The following APBB2 variants were observed in gnomAD, a reference collection of about 807,000 sequenced individuals.
APBB2 encodes Fe65-like 1.
In APBB2, 38 loss-of-function variants were observed where a neutral mutation model predicts 82.5. The ratio of observed to expected loss-of-function variants is 0.46; its 90% CI spans 0.36 to 0.60. The LOEUF (loss-of-function observed/expected upper bound fraction) is 0.60. Ranked by LOEUF, APBB2 falls within the 20% of genes least tolerant of loss-of-function variation. The probability of loss-of-function intolerance (pLI) is 0.00; values close to 1 mark genes in which losing one functional copy is unlikely to be tolerated. For missense variants in APBB2, 772 were observed against 972.3 expected (o/e 0.79, Z 2.74); for synonymous variants, 341 against 368.2 (o/e 0.93, Z 0.85).
chr4:40,900,519 T>C (rs1275057784), intron 10 of APBB2, among the ~76,000 whole-genome samples: 1 of 149,754 alleles, frequency 6.7e-6, no homozygotes, highest in African/African-American at 2.5e-5. Context: ...GCAGTGGCAC[T>C]GTCTTGGCTC....
At chr4:41,124,839 G>A (rs577638164) in intron 2 of APBB2, among the ~76,000 whole-genome samples, 7 of 152,240 alleles carry the variant, frequency 4.6e-5, no homozygotes, top group South Asian at 4.1e-4. Flanking sequence ...CTCTGTTAGC[G>A]TCTCTTTCCT....
chr4:40,825,837 T>G, intron 15 of APBB2, 50 bp downstream of exon 15: 849 of 1,508,012 alleles, frequency 5.6e-4, no homozygotes, highest in Non-Finnish European at 7.1e-4. Context: ...ACGCCTCCTG[T>G]GAGCTCCCGC....
chr4:40,954,092 C>T (rs755900632), intron 6 of APBB2, among the ~76,000 whole-genome samples: 5 of 152,144 alleles, frequency 3.3e-5, no homozygotes, highest in African/African-American at 4.8e-5. Context: ...GGACCACTCC[C>T]GGGTGGGGCC....
At chr4:41,107,541 T>A (rs766336055) in intron 2 of APBB2, among the ~76,000 whole-genome samples, 1 of 152,160 alleles carries the variant, frequency 6.6e-6, no homozygotes, top group Non-Finnish European at 1.5e-5. Flanking sequence ...AAAGGGTTGT[T>A]GTAGGACAGA....
In APBB2 at chr4:41,014,324, G is replaced by A. The variant is rs749778753; in HGVS notation, c.94C>T (p.Pro32Ser). The part of the protein sequence containing the change: ...GTTDVTNRNS[P>S]ATPPNTLNLR... ...TTAAGGGTGTTTGGTGGTGTGGCTG[G>A]GCTGTTCCGATTTGTGACGTCTGTA... Residue 32 changes from proline (P) to serine (S), a missense_variant, in exon 6 of 18, where the codon CCA becomes TCA. Pro to Ser is a moderately conservative substitution (Grantham distance 74). Coordinates refer to ENST00000508593, the MANE Select transcript of APBB2 (RefSeq NM_004307.2). 5 of 1,613,964 alleles carry A rather than the reference G, an allele frequency of 3.1e-6. No homozygotes were observed. Among genetic ancestry groups the A allele is most frequent in the Non-Finnish European group, 4.2e-6 (5 of 1,180,024 alleles).
chr4:41,211,371 TAA>T (rs1004737160), intron 1 of APBB2, among the ~76,000 whole-genome samples: 3 of 152,102 alleles, frequency 2.0e-5, no homozygotes, highest in African/African-American at 4.8e-5. Flanking sequence ...AATATTTTCC[TAA>T]AAGTCTGTCC....
intron 4 of APBB2, among the ~76,000 whole-genome samples, chr4:41,046,024 T>TA (rs1723289035): frequency 6.6e-6 from 1 of 152,240 alleles, no homozygotes; most frequent in South Asian, 2.1e-4. Context: ...TTTTAATTTT[T>TA]AAAAAAAGGT....
chr4:41,034,759 C>G (rs1718488584), intron 4 of APBB2, among the ~76,000 whole-genome samples: 1 of 151,440 alleles, frequency 6.6e-6, no homozygotes. Flanking sequence ...TACTCACATG[C>G]ACATGCATTT....
At position 40,907,348 on chromosome 4, in the gene APBB2, C is replaced by CATAT. The variant is rs56302731; in HGVS notation, c.1255-13941_1255-13938dup. Among the ~76,000 whole-genome samples, 318 of 97,218 alleles carry CATAT rather than the reference C, an allele frequency of 3.3e-3. 1 individual carries two copies. The highest frequency in any genetic ancestry group is 6.0e-3 in the Middle Eastern group (1 of 166). 63.8% of individuals were successfully genotyped at this position (97,218 alleles called of 152,430 possible). ...TTATTTAATTTAATTTAATATATTA[C>CATAT]ATATATATATATATATATATATATA... is the stretch of plus-strand genomic sequence containing the variant. On this transcript the variant is annotated intron_variant, in intron 10 of 17. Transcript: ENST00000508593.
At chr4:41,056,729 A>G (rs1004445403) in intron 4 of APBB2, among the ~76,000 whole-genome samples, 2 of 152,208 alleles carry the variant, frequency 1.3e-5, no homozygotes, top group African/African-American at 2.4e-5. Flanking sequence ...TTTCCCTCAA[A>G]AAAGGGAAGC....
At chr4:41,151,993 C>T (rs1762392620) in intron 1 of APBB2, among the ~76,000 whole-genome samples, 2 of 152,100 alleles carry the variant, frequency 1.3e-5, no homozygotes. Context: ...CAGAAGAGAT[C>T]TCGTCATGAC....
intron 4 of APBB2, among the ~76,000 whole-genome samples, chr4:41,062,805 G>A (rs1415248871): frequency 6.6e-6 from 1 of 152,142 alleles, no homozygotes; most frequent in Admixed American, 6.5e-5. Flanking sequence ...CTGGCACCCA[G>A]TGAGGAGAAG....
chr4:40,869,458 T>C (rs898208693), intron 12 of APBB2, among the ~76,000 whole-genome samples: 1 of 151,734 alleles, frequency 6.6e-6, no homozygotes, highest in African/African-American at 2.4e-5. Flanking sequence ...CGAAGTGGCA[T>C]GTGCCTGTAA....
chr4:41,013,550 T>A, intron 6 of APBB2, 33 bp downstream of exon 6: 1 of 1,543,100 alleles, frequency 6.5e-7, no homozygotes, highest in Non-Finnish European at 8.8e-7. Flanking sequence ...AAAAAAAAAG[T>A]GCCAGCTGAG....
chr4:40,894,982 C>T (rs113392253), intron 10 of APBB2, among the ~76,000 whole-genome samples: 3,746 of 152,232 alleles, frequency 0.025, 162 homozygotes, highest in African/African-American at 0.085. Flanking sequence ...ATGGAGCCAT[C>T]CTTCCTTGGG....
chr4:41,057,963 G>A (rs1319424112), intron 4 of APBB2, among the ~76,000 whole-genome samples: 2 of 152,218 alleles, frequency 1.3e-5, no homozygotes, highest in African/African-American at 4.8e-5. Flanking sequence ...CACACACATG[G>A]GACCCTTTCT....
In APBB2 at chr4:40,982,401, G is replaced by A. The variant is rs1004460063; in HGVS notation, c.835+31182C>T. On this transcript the variant is annotated intron_variant, in intron 6 of 17. Transcript: ENST00000508593. The stretch of plus-strand genomic sequence containing the variant: ...AAGGAAGGAAGGAAGGAAAGGAAAG[G>A]AAAGAAAGAAAGAAAGAAAGAAAGA... 1.1e-3 allele frequency among the ~76,000 whole-genome samples: 4 copies of A among 3,698 alleles called. 1 individual carries two copies. Among genetic ancestry groups the A allele is most frequent in the African/African-American group, 2.4e-3 (4 of 1,676 alleles). 2.4% of individuals were successfully genotyped at this position (3,698 alleles called of 152,430 possible). A position where few individuals can be genotyped will look rare whatever the true frequency, so the allele number is the denominator to read the frequency against.
intron 3 of APBB2, among the ~76,000 whole-genome samples, chr4:41,098,964 TTTC>T (rs1744445556): frequency 6.6e-6 from 1 of 152,198 alleles, no homozygotes; most frequent in South Asian, 2.1e-4. Flanking sequence ...ACATAAAATA[TTTC>T]TTTTAAGATT....
intron 12 of APBB2, among the ~76,000 whole-genome samples, chr4:40,838,535 C>T (rs1467061511): frequency 2.6e-5 from 4 of 152,098 alleles, no homozygotes; most frequent in Non-Finnish European, 5.9e-5. Context: ...TGGGGTTTCA[C>T]CAAGTTAGCC....
Sources: gnomAD v4.1 joint callset for allele counts (sites outside exome capture counted in the v4.1 genomes callset) on GRCh38, gnomAD v4.1.1 for gene constraint, MANE v1.5 for transcripts, NCBI Gene and HGNC (gene_info 2026-07-23, HGNC 2026-07-21) for gene names.